PRIM2: variants seen among roughly 807,000 people sequenced by gnomAD.
The protein encoded by PRIM2 is DNA primase subunit 2.
PRIM2 carries 39 observed loss-of-function variants against 67.3 expected under a neutral mutation model. The ratio of observed to expected loss-of-function variants is 0.58; its 90% confidence interval spans 0.45 to 0.76. PRIM2 has a LOEUF of 0.76. Ranked by LOEUF, PRIM2 falls within the 30% of genes least tolerant of loss-of-function variation. PRIM2 has a pLI of 0.00. For missense variants in PRIM2, 398 were observed against 598.7 expected, an observed-to-expected ratio of 0.66 and a Z score of 3.50; for synonymous variants, 143 against 198.7, an observed-to-expected ratio of 0.72 and a Z score of 2.36.
intron 5 of PRIM2, among the ~76,000 whole-genome samples, chr6:57,339,127 A>G (rs1312487253): frequency 6.6e-6 from 1 of 152,024 alleles, no homozygotes; most frequent in Non-Finnish European, 1.5e-5. Flanking sequence ...AGAATAAAAT[A>G]CCTAGGAATC....
chr6:57,291,798 C>A, the PRIM2 span, among the ~76,000 whole-genome samples: 1 of 152,248 alleles, frequency 6.6e-6, no homozygotes. Context: ...ATTCAACAGC[C>A]CTTCATCCTA....
rs1171445590 is a variant in PRIM2, at chr6:57,510,805, A to G, written c.761+3351A>G. On this transcript the variant is annotated intron_variant, in intron 8 of 13. Coordinates refer to ENST00000615550, the MANE Select transcript of PRIM2 (RefSeq NM_000947.5). ...ACTGAATTGTTGCTTTTGCTTGTCT[A>G]AATGTAATGTTTTTATTTTATCTTC... 4.3e-3 allele frequency among the ~76,000 whole-genome samples: 659 copies of G among 152,268 alleles called. 4 individuals are homozygous for G. The highest frequency in any genetic ancestry group is 0.015 in the African/African-American group (623 of 41,560).
rs1413824283 is a variant in PRIM2 at position 57,515,600 on chromosome 6, AT to A, written c.761+8152del. On this transcript the variant is annotated intron_variant, in intron 8 of 13. Transcript: ENST00000615550. Reference sequence around the variant, plus strand: ...TGTGTAGATTAGAGCCTTTATACCCATTTTTTCAAACACTCCTTTAGAATAT... The same window carrying A: ...TGTGTAGATTAGAGCCTTTATACCCATTTTTCAAACACTCCTTTAGAATAT... Among the ~76,000 whole-genome samples the A allele has an allele frequency of 4.6e-5, 7 of 151,902 alleles. No individual in the cohort carries two copies. The East Asian group carries it at 1.4e-3, about 29-fold the overall frequency.
chr6:57,330,436 G>T (rs1581796123), intron 5 of PRIM2, among the ~76,000 whole-genome samples: 1 of 138,270 alleles, frequency 7.2e-6, no homozygotes, highest in Non-Finnish European at 1.5e-5. Flanking sequence ...TGGAGTGCAA[G>T]CTCCACCTCC....
intron 10 of PRIM2, among the ~76,000 whole-genome samples, chr6:57,593,121 A>G (rs1203389528): frequency 1.3e-5 from 2 of 152,054 alleles, no homozygotes. Flanking sequence ...TTTAATAGAA[A>G]TGCATATTGG....
chr6:57,552,190 T>C (rs1245423677), intron 10 of PRIM2, among the ~76,000 whole-genome samples: 1 of 152,104 alleles, frequency 6.6e-6, no homozygotes, highest in Non-Finnish European at 1.5e-5. Flanking sequence ...CTTGGGCAAA[T>C]GTAGCTTAAG....
chr6:57,261,790 G>T, the PRIM2 span, among the ~76,000 whole-genome samples: 8 of 152,014 alleles, frequency 5.3e-5, no homozygotes, highest in African/African-American at 2.4e-5. Context: ...TCTCTGGAAG[G>T]CTCCCTCCAC....
the PRIM2 span, among the ~76,000 whole-genome samples, chr6:57,298,174 A>G: frequency 6.6e-6 from 1 of 152,126 alleles, no homozygotes; most frequent in Non-Finnish European, 1.5e-5. Context: ...AGCAGGGCCA[A>G]TGTGGCGAAA....
At chr6:57,472,749 T>C (rs1417534202) in intron 7 of PRIM2, among the ~76,000 whole-genome samples, 1 of 152,206 alleles carries the variant, frequency 6.6e-6, no homozygotes, top group Non-Finnish European at 1.5e-5. Flanking sequence ...AAGTTGGCCT[T>C]ACTGGTCTAT....
chr6:57,388,957 T>C lies in PRIM2; in HGVS notation c.693+6789T>C, dbSNP rs919814874. On this transcript the variant is annotated intron_variant, in intron 7 of 13. Transcript: ENST00000615550. ...GAAGAGAGGGGGCCCACAGCTGAGC[T>C]TGGTTTCCATACACTTCCACTTGAT... Among the ~76,000 whole-genome samples, 4 of 152,212 alleles carry C rather than the reference T, an allele frequency of 2.6e-5. No individual in the cohort carries two copies. In the South Asian group the frequency reaches 6.2e-4, roughly 24 times the overall value.
intron 10 of PRIM2, among the ~76,000 whole-genome samples, chr6:57,593,940 A>G (rs1776323979): frequency 6.6e-6 from 1 of 152,226 alleles, no homozygotes; most frequent in East Asian, 1.9e-4. Context: ...TTAGCTTTCC[A>G]TTATTTTAAC....
At chr6:57,395,802 C>G (rs931074974) in intron 7 of PRIM2, among the ~76,000 whole-genome samples, 1 of 152,078 alleles carries the variant, frequency 6.6e-6, no homozygotes, top group Non-Finnish European at 1.5e-5. Context: ...GCATTTAGGG[C>G]TATGAACTTT....
At chr6:57,550,448 T>A (rs1198208443) in intron 10 of PRIM2, among the ~76,000 whole-genome samples, 5 of 152,144 alleles carry the variant, frequency 3.3e-5, no homozygotes, top group African/African-American at 4.8e-5. Flanking sequence ...AAATTATGTA[T>A]TGGGTTAAGT....
the PRIM2 span, among the ~76,000 whole-genome samples, chr6:57,285,592 G>A: frequency 5.3e-5 from 8 of 152,202 alleles, no homozygotes; most frequent in East Asian, 1.9e-4. Context: ...CTAAAAACTC[G>A]CAATAAACTA....
intron 7 of PRIM2, among the ~76,000 whole-genome samples, chr6:57,460,672 C>T (rs2127396744): frequency 6.7e-6 from 1 of 148,630 alleles, no homozygotes; most frequent in African/African-American, 2.5e-5. Flanking sequence ...CTAGTTATAA[C>T]TTCTAAAATC....
At chr6:57,409,559 A>G (rs1771015051) in intron 7 of PRIM2, among the ~76,000 whole-genome samples, 1 of 152,090 alleles carries the variant, frequency 6.6e-6, no homozygotes, top group Non-Finnish European at 1.5e-5. Flanking sequence ...TTGCCAAACT[A>G]TTTCCAAAGT....
chr6:57,295,883 G>A, the PRIM2 span, among the ~76,000 whole-genome samples: 1 of 152,128 alleles, frequency 6.6e-6, no homozygotes, highest in Non-Finnish European at 1.5e-5. Context: ...TAACCTCTAA[G>A]TCTGGATGAA....
intron 8 of PRIM2, among the ~76,000 whole-genome samples, chr6:57,521,367 G>GTTTTTTTTTTTTTTTT (rs1163114437): frequency 2.0e-5 from 2 of 97,956 alleles, no homozygotes; most frequent in African/African-American, 7.6e-5. Flanking sequence ...TGTGGTTAGG[G>GTTTTTTTTTTTTTTTT]TTTTTTTTTT....
chr6:57,303,499 G>C, the PRIM2 span, among the ~76,000 whole-genome samples: 2 of 152,122 alleles, frequency 1.3e-5, no homozygotes, highest in African/African-American at 4.8e-5. Context: ...CTTGCATACT[G>C]TTGTAATTTG....
Sources: allele counts gnomAD v4.1 joint callset (sites outside exome capture counted in the v4.1 genomes callset), GRCh38; gene constraint gnomAD v4.1.1; transcripts MANE v1.5; gene names NCBI Gene and HGNC (gene_info 2026-07-23, HGNC 2026-07-21).